SIRPB1: variants seen among roughly 807,000 people sequenced by gnomAD.
The protein encoded by SIRPB1 is signal regulatory protein beta 1.
A neutral mutation model predicts 34.1 loss-of-function variants in SIRPB1; 28 were observed. The observed-to-expected ratio is 0.82, with a 90% CI of 0.61 to 1.12. The LOEUF (loss-of-function observed/expected upper bound fraction) is 1.12, where lower values mean the gene tolerates loss of function less well. SIRPB1 is among the 50% of genes most tolerant of loss of function. The probability of loss-of-function intolerance (pLI) is 0.00; values close to 1 mark genes in which losing one functional copy is unlikely to be tolerated. For synonymous variants in SIRPB1, 211 were observed against 203.8 expected (o/e 1.04, Z -0.30); for missense variants, 499 against 507.0 (o/e 0.98, Z 0.15).
intron 1 of SIRPB1, among the ~76,000 whole-genome samples, chr20:1,615,325 C>T (rs910947267): frequency 6.6e-6 from 1 of 152,184 alleles, no homozygotes; most frequent in African/African-American, 2.4e-5. Flanking sequence ...TGCTATACTC[C>T]ATTACAACAA....
At chr20:1,617,371 C>T (rs1284947419) in intron 1 of SIRPB1, among the ~76,000 whole-genome samples, 1 of 152,128 alleles carries the variant, frequency 6.6e-6, no homozygotes, top group African/African-American at 2.4e-5. Flanking sequence ...AGAAGGAAAT[C>T]CTATCATTTC....
Position 1,570,794 on chromosome 20 carries a change from A to C in SIRPB1, c.1084+11T>G. 13 of 1,566,832 alleles carry C rather than the reference A, an allele frequency of 8.3e-6. No individual in the cohort carries two copies. The highest frequency in any genetic ancestry group is 1.1e-5 in the Non-Finnish European group (13 of 1,154,262). The stretch of plus-strand genomic sequence containing the variant: ...AAAAAGACAAAATTTAAAAATGGGA[A>C]GTAACCGCACCATGGGTGATATCTG... On this transcript the variant is annotated intron_variant, in intron 4 of 5. Coordinates refer to ENST00000381605, the MANE Select transcript of SIRPB1 (RefSeq NM_006065.5).
At chr20:1,580,087 C>CT (rs2091380465) in intron 1 of SIRPB1, among the ~76,000 whole-genome samples, 1 of 148,252 alleles carries the variant, frequency 6.7e-6, no homozygotes, top group Non-Finnish European at 1.5e-5. Context: ...CGTATATGTA[C>CT]ATGTATACAT....
At chr20:1,569,151 T>C (rs2091187139) in intron 4 of SIRPB1, among the ~76,000 whole-genome samples, 1 of 152,080 alleles carries the variant, frequency 6.6e-6, no homozygotes, top group African/African-American at 2.4e-5. Flanking sequence ...AAACGAAAAA[T>C]GTGAATAACC....
At position 1,564,661 on chromosome 20, in the gene SIRPB1, A is replaced by G. The variant is rs1346103895; in HGVS notation, c.*839T>C. ...GGCTTGGACTGGGCCCTGAAAACCA[A>G]TTGTTAAATTTCAGGAATCTTGCAA... On this transcript the variant is annotated 3_prime_UTR_variant, in exon 6 of 6. Coordinates refer to ENST00000381605, the MANE Select transcript of SIRPB1 (RefSeq NM_006065.5). 2.8e-6 allele frequency: 1 copy of G among 352,610 alleles called. No homozygotes were observed. Among genetic ancestry groups the G allele is most frequent in the Non-Finnish European group, 5.1e-6 (1 of 197,268 alleles). The allele number at this position is 352,610 out of a possible 1,614,324, so 21.8% of individuals were successfully genotyped here. A position where few individuals can be genotyped will look rare whatever the true frequency, so the allele number is the denominator to read the frequency against.
In SIRPB1 at chr20:1,563,772, C is replaced by T. The variant is rs2091097528; in HGVS notation, c.*1728G>A. The T allele has an allele frequency of 1.3e-5, 2 of 152,014 alleles. No individual in the cohort carries two copies. The highest frequency in any genetic ancestry group is 4.8e-5 in the African/African-American group (2 of 41,342). 9.4% of individuals were successfully genotyped at this position (152,014 alleles called of 1,614,324 possible). A position where few individuals can be genotyped will look rare whatever the true frequency, so the allele number is the denominator to read the frequency against. ...AGAGCGAAGGGGGACTTGCCACACA[C>T]TTTCAAAAAACCAGATCTCATGAGA... On this transcript the variant is annotated 3_prime_UTR_variant, in exon 6 of 6. Coordinates refer to ENST00000381605, the MANE Select transcript of SIRPB1 (RefSeq NM_006065.5).
intron 2 of SIRPB1, among the ~76,000 whole-genome samples, chr20:1,573,475 G>A (rs1600108681): frequency 9.7e-6 from 1 of 102,606 alleles, no homozygotes; most frequent in East Asian, 2.3e-4. Flanking sequence ...CTCTTAGAAA[G>A]CACATATTAT....
rs968879941 is a variant in SIRPB1 at position 1,579,930 on chromosome 20, G to A, written c.77-1236C>T. ...AGTCCAGAGAATGAATGTGCAATCT[G>A]AGGATTTTAGTTAATAATGTTGTAT... On this transcript the variant is annotated intron_variant, in intron 1 of 5. Transcript: ENST00000381605. 1.1e-4 allele frequency among the ~76,000 whole-genome samples: 16 copies of A among 148,172 alleles called. 1 individual carries two copies. The highest frequency in any genetic ancestry group is 3.9e-4 in the African/African-American group (16 of 40,802).
rs376797875 is a variant in SIRPB1 at position 1,572,012 on chromosome 20, C to T, written c.459G>A (p.Ser153=). ...CAGGTGTGGCCCTCACCGCAGGGCC[C>T]GATACCACGGGGGCAGAGGGTTTGG... ...VRAKPSAPVV[S]GPAVRATPEH... Residue 153 remains serine (S), a synonymous_variant, in exon 3 of 6, where the codon TCG becomes TCA. Coordinates refer to ENST00000381605, the MANE Select transcript of SIRPB1 (RefSeq NM_006065.5). The T allele has an allele frequency of 6.3e-5, 102 of 1,613,822 alleles. No homozygotes were observed. Among genetic ancestry groups the T allele is most frequent in the Non-Finnish European group, 7.8e-5 (92 of 1,179,966 alleles).
intron 1 of SIRPB1, among the ~76,000 whole-genome samples, chr20:1,601,259 G>A (rs2091475072): frequency 2.1e-5 from 1 of 48,062 alleles, no homozygotes; most frequent in Admixed American, 1.4e-4. Flanking sequence ...GCTGGGCTAG[G>A]GCCCTGATGG....
Position 1,564,895 on chromosome 20 carries a change from A to G in SIRPB1, c.*605T>C, listed in dbSNP as rs549177731. 6 of 398,600 alleles carry G rather than the reference A, an allele frequency of 1.5e-5. No individual in the cohort carries two copies. Among genetic ancestry groups the G allele is most frequent in the Non-Finnish European group, 2.2e-5 (5 of 226,066 alleles). The allele number at this position is 398,600 out of a possible 1,614,324, so 24.7% of individuals were successfully genotyped here. A position where few individuals can be genotyped will look rare whatever the true frequency, so the allele number is the denominator to read the frequency against. ...AAGGGCAGTCATCGAGGGCTCCTCAATGTTGGGCTGTGGCAGCATTTCTAC... is the reference window on the plus strand; with the variant it reads ...AAGGGCAGTCATCGAGGGCTCCTCAGTGTTGGGCTGTGGCAGCATTTCTAC... On this transcript the variant is annotated 3_prime_UTR_variant, in exon 6 of 6. Transcript: ENST00000381605.
rs1374087206 is a variant in SIRPB1 at position 1,578,358 on chromosome 20, C to T, written c.413G>A (p.Gly138Asp). 3 of 1,586,788 alleles carry T rather than the reference C, an allele frequency of 1.9e-6. No homozygotes were observed. The highest frequency in any genetic ancestry group is 2.2e-5 in the East Asian group (1 of 44,850). ...CTCACCGCGCACAGACAGCTCAGTG[C>T]CTGCTCCAGACTTAAACTCCACGTC... ...PDDVEFKSGA[G>D]TELSVRAKPS... The change falls in exon 2 of 6, where the codon GGC becomes GAC. Residue 138 changes from glycine (G) to aspartate (D), a missense_variant. Coordinates refer to ENST00000381605, the MANE Select transcript of SIRPB1 (RefSeq NM_006065.5).
At chr20:1,571,259 A>T in intron 3 of SIRPB1, 122 bp from the exon 4 acceptor site, 1 of 1,041,548 alleles carries the variant, frequency 9.6e-7, no homozygotes, top group Non-Finnish European at 1.4e-6. Context: ...GGCAGGCAGC[A>T]GGTGCTCAGA....
In SIRPB1 at chr20:1,566,157, A is replaced by T. The variant is rs1186060137; in HGVS notation, c.1195T>A (p.Ter399ArgextTer12). The change falls in exon 5 of 6, where the codon TGA becomes AGA. Residue 399 changes from the stop codon to arginine, a stop_lost. Coordinates refer to ENST00000381605, the MANE Select transcript of SIRPB1 (RefSeq NM_006065.5). ...AIYICWKQKA* is the reference protein window; with the variant it reads ...AIYICWKQKAR ...TCCTCCCTCTCCTAAACTTACAGTC[A>T]GGCCTTCTGTTTCCAGCAGATGTAG... 3 of 1,597,344 alleles carry T rather than the reference A, an allele frequency of 1.9e-6. No homozygotes were observed. The highest frequency in any genetic ancestry group is 1.7e-6 in the Non-Finnish European group (2 of 1,169,486).
At position 1,619,971 on chromosome 20, in the gene SIRPB1, T is replaced by C. The variant is rs374175102; in HGVS notation, c.-27A>G. The C allele has an allele frequency of 1.1e-3, 1,738 of 1,604,806 alleles. 2 individuals carry two copies. The highest frequency in any genetic ancestry group is 1.6e-3 in the Admixed American group (94 of 57,934). On this transcript the variant is annotated 5_prime_UTR_variant, in exon 1 of 6. Coordinates refer to ENST00000381605, the MANE Select transcript of SIRPB1 (RefSeq NM_006065.5). ...CTGGAGACCTTAGGAGCCTGCTCTG[T>C]CCAAACGTCTGTGCTGGGAAGATCG...
intron 1 of SIRPB1, among the ~76,000 whole-genome samples, chr20:1,578,971 G>A (rs543151409): frequency 2.0e-5 from 3 of 147,386 alleles, no homozygotes; most frequent in South Asian, 2.1e-4. Flanking sequence ...TTTTTGAGAC[G>A]GGGTCTTGCT....
At position 1,573,803 on chromosome 20, in the gene SIRPB1, C is replaced by G. The variant is rs2091275520; in HGVS notation, c.434-1766G>C. 2.0e-5 allele frequency among the ~76,000 whole-genome samples: 3 copies of G among 146,406 alleles called. 1 individual carries two copies. The highest frequency in any genetic ancestry group is 7.4e-5 in the African/African-American group (3 of 40,376). On this transcript the variant is annotated intron_variant, in intron 2 of 5. Transcript: ENST00000381605. Reference sequence around the variant, plus strand: ...CAAGGGCCAAAAGTAGATAGAAACCCCACCCTGGGAAGATGAGTGAGGGTA... The same window carrying G: ...CAAGGGCCAAAAGTAGATAGAAACCGCACCCTGGGAAGATGAGTGAGGGTA...
rs1461125391 is a variant in SIRPB1, at chr20:1,605,942, G to A, written c.76+13927C>T. The A allele has an allele frequency of 9.4e-6, 2 of 211,838 alleles. 1 individual carries two copies. Among genetic ancestry groups the A allele is most frequent in the East Asian group, 4.2e-4 (2 of 4,748 alleles). 13.1% of individuals were successfully genotyped at this position (211,838 alleles called of 1,614,324 possible). ...GGGATTTTGATCTCTTTCACCTGGA[G>A]TACTTTAATGAAATAACCAATGAGA... On this transcript the variant is annotated intron_variant, in intron 1 of 5. Coordinates refer to ENST00000381605, the MANE Select transcript of SIRPB1 (RefSeq NM_006065.5).
intron 1 of SIRPB1, among the ~76,000 whole-genome samples, chr20:1,616,000 GA>G: frequency 6.6e-6 from 1 of 152,168 alleles, no homozygotes; most frequent in Middle Eastern, 3.4e-3. Context: ...AAAATAGCTA[GA>G]AACAGATTTA....
Sources: gnomAD v4.1 joint callset for allele counts (sites outside exome capture counted in the v4.1 genomes callset) on GRCh38, gnomAD v4.1.1 for gene constraint, MANE v1.5 for transcripts, NCBI Gene and HGNC (gene_info 2026-07-23, HGNC 2026-07-21) for gene names.